Variants in SYN3 observed in about 807,000 individuals in gnomAD.
SYN3 encodes the protein synapsin-3.
A neutral mutation model predicts 65.8 loss-of-function variants in SYN3; 35 were observed. That is an observed-to-expected ratio of 0.53 (90% CI 0.41 to 0.70). The LOEUF (loss-of-function observed/expected upper bound fraction) is 0.70, where lower values mean the gene tolerates loss of function less well. Ranked by LOEUF, SYN3 falls within the 30% of genes least tolerant of loss-of-function variation. The pLI is 0.00. For synonymous variants in SYN3, 270 were observed against 292.9 expected, an observed-to-expected ratio of 0.92 and a Z score of 0.80; for missense variants, 680 against 749.0, an observed-to-expected ratio of 0.91 and a Z score of 1.08.
chr22:32,997,054 G>A lies in SYN3; in HGVS notation c.311+9298C>T, dbSNP rs1299920141. 2.6e-5 allele frequency among the ~76,000 whole-genome samples: 4 copies of A among 152,232 alleles called. No homozygotes were observed. In the East Asian group the frequency reaches 7.7e-4, roughly 29 times the overall value. On this transcript the variant is annotated intron_variant, in intron 2 of 13. Coordinates refer to ENST00000358763, the MANE Select transcript of SYN3 (RefSeq NM_003490.4). ...TCAGGAGCAGTAGAGGAGGGGCTGAGCTTCAGGTGGGAGAGGTTGGGGAGT... is the reference window on the plus strand; with the variant it reads ...TCAGGAGCAGTAGAGGAGGGGCTGAACTTCAGGTGGGAGAGGTTGGGGAGT...
chr22:32,531,225 G>C (rs1326916839), intron 10 of SYN3, among the ~76,000 whole-genome samples: 3 of 146,460 alleles, frequency 2.0e-5, no homozygotes, highest in Non-Finnish European at 4.5e-5. Context: ...TGCGCAGGTC[G>C]TACCTGGGAC....
intron 1 of SYN3, among the ~76,000 whole-genome samples, chr22:33,029,747 G>A (rs1038383636): frequency 6.6e-6 from 1 of 152,088 alleles, no homozygotes; most frequent in Non-Finnish European, 1.5e-5. Flanking sequence ...TCCCTCCATG[G>A]TATTAGGATT....
intron 9 of SYN3, among the ~76,000 whole-genome samples, chr22:32,537,664 G>A: frequency 6.6e-6 from 1 of 152,158 alleles, no homozygotes; most frequent in South Asian, 2.1e-4. Flanking sequence ...AGCTGTCAGA[G>A]CACAGGAGGG....
At chr22:32,673,233 G>GGGGAAGA (rs1455370222) in intron 6 of SYN3, among the ~76,000 whole-genome samples, 1 of 152,180 alleles carries the variant, frequency 6.6e-6, no homozygotes, top group East Asian at 1.9e-4. Context: ...ATGGAGCTGT[G>GGGGAAGA]GGGAAGAGGG....
intron 7 of SYN3, among the ~76,000 whole-genome samples, chr22:32,547,584 T>G (rs571910591): frequency 6.6e-6 from 1 of 152,096 alleles, no homozygotes; most frequent in East Asian, 1.9e-4. Context: ...CTTGTGTGCT[T>G]GTGTGCACAC....
chr22:32,558,283 T>C (rs1004358029), intron 7 of SYN3, among the ~76,000 whole-genome samples: 2 of 152,214 alleles, frequency 1.3e-5, no homozygotes, highest in African/African-American at 4.8e-5. Context: ...CTGTAGGATA[T>C]AGCTGAGAAG....
chr22:32,540,050 C>A (rs138253047), intron 8 of SYN3, among the ~76,000 whole-genome samples: 6 of 152,140 alleles, frequency 3.9e-5, no homozygotes. Flanking sequence ...GAGCTCCATC[C>A]CTTTCCTGGG....
rs574093006 is a variant in SYN3 at position 32,599,613 on chromosome 22, G to A, written c.712-2877C>T. Among the ~76,000 whole-genome samples, 409 of 152,184 alleles carry A rather than the reference G, an allele frequency of 2.7e-3. 2 individuals are homozygous for A. The highest frequency in any genetic ancestry group is 9.3e-3 in the African/African-American group (387 of 41,522). ...TGGGATTACAGGTGTGAGCCACTGCGCCGGAAGTCAAGTTTATGTGTCTTG... is the reference window on the plus strand; with the variant it reads ...TGGGATTACAGGTGTGAGCCACTGCACCGGAAGTCAAGTTTATGTGTCTTG... On this transcript the variant is annotated intron_variant, in intron 6 of 13. Coordinates refer to ENST00000358763, the MANE Select transcript of SYN3 (RefSeq NM_003490.4).
chr22:32,999,868 C>G (rs1170788116), intron 2 of SYN3, among the ~76,000 whole-genome samples: 1 of 152,068 alleles, frequency 6.6e-6, no homozygotes, highest in Non-Finnish European at 1.5e-5. Flanking sequence ...CAAAGTGAAA[C>G]TGGTCAGATT....
chr22:33,027,971 T>C (rs901295919), intron 1 of SYN3, among the ~76,000 whole-genome samples: 1 of 152,250 alleles, frequency 6.6e-6, no homozygotes, highest in African/African-American at 2.4e-5. Context: ...CAACACTCTT[T>C]GCATCTAACA....
intron 3 of SYN3, among the ~76,000 whole-genome samples, chr22:32,974,648 G>T (rs2052127346): frequency 1.3e-5 from 2 of 152,076 alleles, no homozygotes; most frequent in South Asian, 4.1e-4. Context: ...CTAGCATTGT[G>T]TGTGTGTGTG....
At chr22:32,700,921 T>G (rs921723523) in intron 6 of SYN3, among the ~76,000 whole-genome samples, 7 of 152,238 alleles carry the variant, frequency 4.6e-5, no homozygotes, top group Non-Finnish European at 8.8e-5. Flanking sequence ...CATCATTTAC[T>G]CAGTTGCTCA....
chr22:32,901,876 T>C (rs1014505366), intron 4 of SYN3, among the ~76,000 whole-genome samples: 1 of 152,238 alleles, frequency 6.6e-6, no homozygotes, highest in Non-Finnish European at 1.5e-5. Flanking sequence ...TGGTTTGAGC[T>C]GGGCCAGCCT....
intron 3 of SYN3, among the ~76,000 whole-genome samples, chr22:32,956,684 T>C (rs1306887448): frequency 6.6e-6 from 1 of 152,240 alleles, no homozygotes; most frequent in East Asian, 1.9e-4. Flanking sequence ...CATCTGCTGA[T>C]GGACATCTGG....
intron 6 of SYN3, among the ~76,000 whole-genome samples, chr22:32,715,506 C>G (rs148205985): frequency 6.6e-6 from 1 of 152,216 alleles, no homozygotes; most frequent in South Asian, 2.1e-4. Context: ...GATGGCTGGG[C>G]GCGGTGGCTC....
At chr22:33,022,132 G>A (rs562340617) in intron 1 of SYN3, among the ~76,000 whole-genome samples, 18 of 152,084 alleles carry the variant, frequency 1.2e-4, no homozygotes, top group Non-Finnish European at 2.4e-4. Flanking sequence ...AACACAACAC[G>A]GCTTATAAAT....
chr22:32,941,810 C>A (rs967936072), intron 3 of SYN3, among the ~76,000 whole-genome samples: 2 of 152,252 alleles, frequency 1.3e-5, no homozygotes, highest in African/African-American at 2.4e-5. Flanking sequence ...TATCCTGCGC[C>A]TGGCTCAGAG....
At chr22:32,824,219 A>G (rs1024019010) in intron 6 of SYN3, among the ~76,000 whole-genome samples, 9 of 150,100 alleles carry the variant, frequency 6.0e-5, no homozygotes, top group African/African-American at 2.2e-4. Flanking sequence ...TGGAGGTTGC[A>G]GTGAGACGAC....
At chr22:32,602,923 T>A (rs1333962713) in intron 6 of SYN3, among the ~76,000 whole-genome samples, 3 of 152,056 alleles carry the variant, frequency 2.0e-5, no homozygotes, top group African/African-American at 7.2e-5. Flanking sequence ...TTTTAATTCC[T>A]CCAGGCCAGT....
Sources: gnomAD v4.1 joint callset for allele counts (sites outside exome capture counted in the v4.1 genomes callset) on GRCh38, gnomAD v4.1.1 for gene constraint, MANE v1.5 for transcripts, NCBI Gene and HGNC (gene_info 2026-07-23, HGNC 2026-07-21) for gene names.